SLC22A7: variants seen among roughly 807,000 people sequenced by gnomAD.
The protein encoded by SLC22A7 is solute carrier family 22 member 7.
A neutral mutation model predicts 62.2 loss-of-function variants in SLC22A7; 48 were observed. The observed-to-expected ratio is 0.77, with a 90% CI of 0.61 to 0.98. SLC22A7 has a LOEUF of 0.98. Among genes scored for constraint, SLC22A7 ranks in the 50% least tolerant of loss-of-function variants. The pLI is 0.00. For synonymous variants in SLC22A7, 276 were observed against 314.8 expected (o/e 0.88, Z 1.30); for missense variants, 581 against 703.8 (o/e 0.83, Z 1.97).
Position 43,302,075 on chromosome 6 carries a change from G to A in SLC22A7, c.1062-125G>A, listed in dbSNP as rs1027384774. On this transcript the variant is annotated intron_variant, in intron 7 of 10. Transcript: ENST00000372585. The surrounding 1 kb of genome is among the most constrained non-coding windows in gnomAD (Gnocchi z 5.0). ...TATGGATGTCAGGGAAGGTCCTGGC[G>A]GGGGGACCGGGGGTTGCAGAGACAG... is the stretch of plus-strand genomic sequence containing the variant. 1.1e-5 allele frequency: 9 copies of A among 822,208 alleles called. No homozygotes were observed. The African/African-American group carries it at 1.2e-4, about 11-fold the overall frequency. The allele number at this position is 822,208 out of a possible 1,614,324, so 50.9% of individuals were successfully genotyped here.
chr6:43,303,917 C>T (rs1343102999), intron 9 of SLC22A7, 121 bp from the exon 10 acceptor site: 1 of 808,520 alleles, frequency 1.2e-6, no homozygotes, highest in Non-Finnish European at 1.8e-6. Flanking sequence ...TCCTAGTTTT[C>T]TTAGCTATAT....
chr6:43,298,802 T>G (rs373442647), intron 1 of SLC22A7, 51 bp downstream of exon 1: 3 of 1,514,526 alleles, frequency 2.0e-6, no homozygotes, highest in Non-Finnish European at 2.6e-6. Context: ...GGCCTGCCAT[T>G]GCCTTGGGTG....
chr6:43,302,171 C>T lies in SLC22A7; in HGVS notation c.1062-29C>T. The T allele has an allele frequency of 6.5e-7, 1 of 1,533,454 alleles. No individual in the cohort carries two copies. The highest frequency in any genetic ancestry group is 1.4e-5 in the African/African-American group (1 of 73,278). 95.0% of individuals were successfully genotyped at this position (1,533,454 alleles called of 1,614,324 possible). The stretch of plus-strand genomic sequence containing the variant: ...GCCAAAGAGGGATGGGAAGGAGGGT[C>T]CGCCAAGTGGCACTGAGACTCCTTT... On this transcript the variant is annotated intron_variant, in intron 7 of 10. Transcript: ENST00000372585. The surrounding 1 kb of genome is among the most constrained non-coding windows in gnomAD (Gnocchi z 5.0).
chr6:43,298,261 C>G lies in SLC22A7; in HGVS notation c.-98C>G, dbSNP rs1198818044. 18 of 1,104,058 alleles carry G rather than the reference C, an allele frequency of 1.6e-5. No homozygotes were observed. The highest frequency in any genetic ancestry group is 2.1e-5 in the Non-Finnish European group (16 of 776,496). 68.4% of individuals were successfully genotyped at this position (1,104,058 alleles called of 1,614,324 possible). On this transcript the variant is annotated 5_prime_UTR_variant, in exon 1 of 11. Transcript: ENST00000372585. ...GGCTGCAGGCTCTCCAGTCCATCCA[C>G]TCCCACCTCCAGAGTCCAAGGGTCT...
Position 43,304,913 on chromosome 6 carries a change from A to C in SLC22A7, c.*188A>C. The C allele has an allele frequency of 2.1e-6, 1 of 466,744 alleles. No individual in the cohort carries two copies. Among genetic ancestry groups the C allele is most frequent in the Non-Finnish European group, 3.8e-6 (1 of 264,076 alleles). The allele number at this position is 466,744 out of a possible 1,614,324, so 28.9% of individuals were successfully genotyped here. On this transcript the variant is annotated 3_prime_UTR_variant, in exon 11 of 11. Transcript: ENST00000372585. ...TTCTAGGAACAGTTGACTTCCCAGA[A>C]TGCAGTGGGCTGCTGGGCACCCCTC...
In SLC22A7 at chr6:43,299,947, C is replaced by A; in HGVS notation, c.708C>A (p.Ser236Arg). The change falls in exon 5 of 11, where the codon AGC (serine) becomes AGA (arginine). Residue 236 changes from serine to arginine, a missense_variant. Ser to Arg is a moderately radical substitution (Grantham distance 110, BLOSUM62 -1). Coordinates refer to ENST00000372585, the MANE Select transcript of SLC22A7 (RefSeq NM_153320.2). The surrounding 1 kb of genome is among the most constrained non-coding windows in gnomAD (Gnocchi z 4.4). ...VEHRTVAGVLSSTFWTGGVML... is the reference protein window; with the variant it reads ...VEHRTVAGVLRSTFWTGGVML... ...ACCGCACCGTGGCTGGAGTCCTGAG[C>A]AGCACCTTCTGGACAGGGGGCGTGA... The A allele has an allele frequency of 6.2e-7, 1 of 1,614,180 alleles. No homozygotes were observed. The highest frequency in any genetic ancestry group is 8.5e-7 in the Non-Finnish European group (1 of 1,180,028).
intron 9 of SLC22A7, among the ~76,000 whole-genome samples, chr6:43,303,404 G>T (rs1778824079): frequency 6.6e-6 from 1 of 152,098 alleles, no homozygotes; most frequent in Non-Finnish European, 1.5e-5. Context: ...AGGTTGCAGT[G>T]AGCTGAGATC....
At position 43,299,684 on chromosome 6, in the gene SLC22A7, G is replaced by A. The variant is rs145420126; in HGVS notation, c.561G>A (p.Leu187=). ...ACGTGAGTACCCTGGTGCTGGGCCT[G>A]GCATCTGCAGCCTCCGTCAGCTATG... ...VAYVSTLVLG[L]ASAASVSYVM... is the part of the protein sequence containing the mutation. Residue 187 remains leucine, a synonymous_variant, in exon 4 of 11, where the codon CTG becomes CTA. Coordinates refer to ENST00000372585, the MANE Select transcript of SLC22A7 (RefSeq NM_153320.2). The surrounding 1 kb of genome is among the most constrained non-coding windows in gnomAD (Gnocchi z 4.4). 97 of 1,614,172 alleles carry A rather than the reference G, an allele frequency of 6.0e-5. 2 individuals are homozygous for A. In the African/African-American group the frequency reaches 1.0e-3, roughly 17 times the overall value.
intron 1 of SLC22A7, 112 bp from the exon 2 acceptor site, chr6:43,298,980 G>A (rs888060745): frequency 1.7e-6 from 2 of 1,209,154 alleles, no homozygotes. Flanking sequence ...ATTAAGGCAG[G>A]GAAGGGCTAA....
At position 43,299,450 on chromosome 6, in the gene SLC22A7, G is replaced by A. The variant is rs753438428; in HGVS notation, c.460G>A (p.Gly154Ser). The A allele has an allele frequency of 8.1e-6, 13 of 1,613,854 alleles. No homozygotes were observed. The highest frequency in any genetic ancestry group is 5.5e-5 in the South Asian group (5 of 91,050). ...AGCTGCGTCCACTTTCTTCTTCGCC[G>A]GTGTGCTGGTGGGGGCTGTGGCCTT... ...NRAASTFFFA[G>S]VLVGAVAFGY... The change falls in exon 3 of 11, where the codon GGT (glycine) becomes AGT (serine). Residue 154 changes from glycine (G) to serine (S), a missense_variant. By Grantham distance (56) the Gly-to-Ser change is moderately conservative (BLOSUM62 0). Coordinates refer to ENST00000372585, the MANE Select transcript of SLC22A7 (RefSeq NM_153320.2). The surrounding 1 kb of genome is among the most constrained non-coding windows in gnomAD (Gnocchi z 4.4).
chr6:43,303,162 T>G (rs922287554), intron 9 of SLC22A7: 14 of 985,318 alleles, frequency 1.4e-5, no homozygotes, highest in Non-Finnish European at 1.7e-5. Context: ...TGGGCCTCCT[T>G]AAGAAAACAA....
At chr6:43,304,320 T>C (rs1391380149) in intron 10 of SLC22A7, 76 bp downstream of exon 10, 6 of 1,258,056 alleles carry the variant, frequency 4.8e-6, no homozygotes, top group Non-Finnish European at 6.5e-6. Context: ...CCTGACACCT[T>C]AGGATTCAGA....
chr6:43,299,303 A>G lies in SLC22A7; in HGVS notation c.400-87A>G. 6.2e-7 allele frequency: 1 copy of G among 1,605,694 alleles called. No homozygotes were observed. Among genetic ancestry groups the G allele is most frequent in the Middle Eastern group, 1.7e-4 (1 of 6,054 alleles). ...CCAGAATGGCAGAGTTCGCCTCAGAAGGCTCCAGGGTCTGGAGAGGAGGAG... is the reference window on the plus strand; with the variant it reads ...CCAGAATGGCAGAGTTCGCCTCAGAGGGCTCCAGGGTCTGGAGAGGAGGAG... On this transcript the variant is annotated intron_variant, in intron 2 of 10. Coordinates refer to ENST00000372585, the MANE Select transcript of SLC22A7 (RefSeq NM_153320.2). This position sits in a 1 kb window ranked among gnomAD's most constrained non-coding sequence, Gnocchi z 4.4.
chr6:43,297,794 C>T (rs1172672364), upstream of SLC22A7, among the ~76,000 whole-genome samples: 2 of 152,208 alleles, frequency 1.3e-5, no homozygotes, highest in African/African-American at 2.4e-5. Flanking sequence ...CAGCTCCCAG[C>T]AGGGGAGAGG....
At position 43,302,643 on chromosome 6, in the gene SLC22A7, G is replaced by T. The variant is rs368386585; in HGVS notation, c.1277-12G>T. The T allele has an allele frequency of 4.5e-5, 71 of 1,583,890 alleles. No individual in the cohort carries two copies. The highest frequency in any genetic ancestry group is 5.9e-5 in the Non-Finnish European group (69 of 1,159,820). ...CAAGGCCCTCTCACTACCTGAACCC[G>T]CTTCCCTCCAGATATGAAGTCCTGG... On this transcript the variant is annotated splice_polypyrimidine_tract_variant and intron_variant, in intron 8 of 10. Transcript: ENST00000372585. The surrounding 1 kb of genome is among the most constrained non-coding windows in gnomAD (Gnocchi z 5.0).
chr6:43,305,011 G>C lies in SLC22A7; in HGVS notation c.*286G>C. On this transcript the variant is annotated 3_prime_UTR_variant, in exon 11 of 11. Coordinates refer to ENST00000372585, the MANE Select transcript of SLC22A7 (RefSeq NM_153320.2). The stretch of plus-strand genomic sequence containing the variant: ...GCAGTGGTGACGAGCTGTGGGAAGA[G>C]CCCTGGATAGGAAGCCACTGAGTCT... 3.3e-6 allele frequency: 1 copy of C among 305,380 alleles called. No homozygotes were observed. Among genetic ancestry groups the C allele is most frequent in the Non-Finnish European group, 6.0e-6 (1 of 166,692 alleles). 18.9% of individuals were successfully genotyped at this position (305,380 alleles called of 1,614,324 possible).
At chr6:43,300,303 A>G (rs761457642) in intron 5 of SLC22A7, 1 of 572,980 alleles carries the variant, frequency 1.7e-6, no homozygotes, top group Non-Finnish European at 3.1e-6. Context: ...AGATAAAGAC[A>G]GAGCCAAACA....
Position 43,298,571 on chromosome 6 carries a change from G to C in SLC22A7, c.213G>C (p.Arg71=). Residue 71 remains arginine, a synonymous_variant, in exon 1 of 11, where the codon CGG becomes CGC. Coordinates refer to ENST00000372585, the MANE Select transcript of SLC22A7 (RefSeq NM_153320.2). ...TGTGGCTGGAGGCCCATCTTCCCCG[G>C]GAGCCTGATGGCACGCTCAGCTCCT... ...QDVWLEAHLP[R]EPDGTLSSCL... is the part of the protein sequence containing the mutation. The C allele has an allele frequency of 6.2e-7, 1 of 1,613,620 alleles. No homozygotes were observed. The highest frequency in any genetic ancestry group is 1.1e-5 in the South Asian group (1 of 91,058).
At chr6:43,300,175 A>C in intron 5 of SLC22A7, 109 bp downstream of exon 5, 3 of 1,136,662 alleles carry the variant, frequency 2.6e-6, no homozygotes, top group Non-Finnish European at 3.7e-6. Flanking sequence ...GGGAAAGAGA[A>C]ACGAAGTGAC....
Sources: gnomAD v4.1 joint callset for allele counts (sites outside exome capture counted in the v4.1 genomes callset) on GRCh38, gnomAD v4.1.1 for gene constraint, Gnocchi (gnomAD v3.1) non-coding constraint, MANE v1.5 for transcripts, NCBI Gene and HGNC (gene_info 2026-07-23, HGNC 2026-07-21) for gene names.